Variants in CAMSAP3 observed in about 807,000 individuals in gnomAD.
CAMSAP3 encodes the protein calmodulin regulated spectrin associated protein family member 3.
A neutral mutation model predicts 112.5 loss-of-function variants in CAMSAP3; 34 were observed. The observed-to-expected ratio is 0.30, with a 90% CI of 0.23 to 0.40. The LOEUF (loss-of-function observed/expected upper bound fraction) is 0.40, where lower values mean the gene tolerates loss of function less well. Among genes scored for constraint, CAMSAP3 ranks in the 10% least tolerant of loss-of-function variants. The probability of loss-of-function intolerance (pLI) is 1.00; values close to 1 mark genes in which losing one functional copy is unlikely to be tolerated. For missense variants in CAMSAP3, 1,602 were observed against 1,770.3 expected (o/e 0.90, Z 1.71); for synonymous variants, 868 against 799.8 (o/e 1.09, Z -1.44).
intron 1 of CAMSAP3, among the ~76,000 whole-genome samples, chr19:7,602,604 C>T (rs1348797939): frequency 6.6e-6 from 1 of 151,920 alleles, no homozygotes; most frequent in Admixed American, 6.6e-5. Context: ...TTTCTCACTG[C>T]CTTGGGGGCA....
At position 7,615,769 on chromosome 19, in the gene CAMSAP3, A is replaced by C; in HGVS notation, c.3112+50A>C. On this transcript the variant is annotated intron_variant, in intron 13 of 16. Transcript: ENST00000160298. This position sits in a 1 kb window ranked among gnomAD's most constrained non-coding sequence, Gnocchi z 6.5. The stretch of plus-strand genomic sequence containing the variant: ...CTGCCCAGTGCCCTTTCCGGGGCTC[A>C]CTGGGTGAGGCCCCCATGGGTAAGG... 9.5e-7 allele frequency: 1 copy of C among 1,049,662 alleles called. No homozygotes were observed. The highest frequency in any genetic ancestry group is 1.2e-6 in the Non-Finnish European group (1 of 862,948). 65.0% of individuals were successfully genotyped at this position (1,049,662 alleles called of 1,614,324 possible). A position where few individuals can be genotyped will look rare whatever the true frequency, so the allele number is the denominator to read the frequency against.
At chr19:7,605,138 G>A (rs1226820187) in intron 1 of CAMSAP3, 88 bp from the exon 2 acceptor site, 2 of 920,340 alleles carry the variant, frequency 2.2e-6, no homozygotes, top group South Asian at 1.9e-5. Context: ...CTCTTAATCC[G>A]GGCCATGTGG....
chr19:7,610,015 G>A lies in CAMSAP3; in HGVS notation c.761-461G>A, dbSNP rs980253072. 2.0e-5 allele frequency among the ~76,000 whole-genome samples: 3 copies of A among 152,012 alleles called. No individual in the cohort carries two copies. The highest frequency in any genetic ancestry group is 7.3e-5 in the African/African-American group (3 of 41,360). ...GGTTAAGGACCCCCGGCCTAAGGAC[G>A]GTCTATCATATAATTCACCTCGGCC... On this transcript the variant is annotated intron_variant, in intron 5 of 16. Coordinates refer to ENST00000160298, the MANE Select transcript of CAMSAP3 (RefSeq NM_020902.2). This position sits in a 1 kb window ranked among gnomAD's most constrained non-coding sequence, Gnocchi z 4.9.
Position 7,617,578 on chromosome 19 carries a change from A to G in CAMSAP3, c.3361A>G (p.Asn1121Asp). ...GTACAAAGAACCCAGCGCCAAGTCC[A>G]ACAAGTTCATCATCCACAATGCCCT... Reference protein sequence around the residue: ...RLYKEPSAKSNKFIIHNALSH... With the variant: ...RLYKEPSAKSDKFIIHNALSH... The change falls in exon 16 of 17, where the codon AAC becomes GAC. Residue 1121 changes from asparagine (N) to aspartate (D), a missense_variant. Coordinates refer to ENST00000160298, the MANE Select transcript of CAMSAP3 (RefSeq NM_020902.2). This position sits in a 1 kb window ranked among gnomAD's most constrained non-coding sequence, Gnocchi z 7.5. 1 of 1,614,134 alleles carries G rather than the reference A, an allele frequency of 6.2e-7. No individual in the cohort carries two copies. Among genetic ancestry groups the G allele is most frequent in the Non-Finnish European group, 8.5e-7 (1 of 1,180,012 alleles).
At position 7,611,155 on chromosome 19, in the gene CAMSAP3, C is replaced by A. The variant is rs2030465186; in HGVS notation, c.1110C>A (p.Leu370=). The change falls in exon 9 of 17, where the codon CTC becomes CTA. Residue 370 remains leucine (L), a synonymous_variant. Transcript: ENST00000160298. This position sits in a 1 kb window ranked among gnomAD's most constrained non-coding sequence, Gnocchi z 6.9. ...LLSSGGPQSP[L]RGSTGSLKSS... is the part of the protein sequence containing the mutation. Reference sequence around the variant, plus strand: ...CATCTGGTGGCCCCCAGTCCCCACTCCGAGGATCCACAGGTGAGGAGGGGG... The same window carrying A: ...CATCTGGTGGCCCCCAGTCCCCACTACGAGGATCCACAGGTGAGGAGGGGG... 1 of 1,613,590 alleles carries A rather than the reference C, an allele frequency of 6.2e-7. No homozygotes were observed. The highest frequency in any genetic ancestry group is 8.5e-7 in the Non-Finnish European group (1 of 1,179,938).
chr19:7,615,660 C>T lies in CAMSAP3; in HGVS notation c.3053C>T (p.Pro1018Leu). The T allele has an allele frequency of 7.0e-7, 1 of 1,428,324 alleles. No homozygotes were observed. The highest frequency in any genetic ancestry group is 9.1e-7 in the Non-Finnish European group (1 of 1,096,214). 88.5% of individuals were successfully genotyped at this position (1,428,324 alleles called of 1,614,324 possible). The change falls in exon 13 of 17, where the codon CCT becomes CTT. Residue 1018 changes from proline (P) to leucine (L), a missense_variant. Physicochemically the swap from Pro to Leu is moderately conservative, Grantham distance 98 (BLOSUM62 -3). This residue lies in a region of CAMSAP3 where 1,100 missense variants were observed against 1,135.7 expected (regional missense o/e 0.97). Coordinates refer to ENST00000160298, the MANE Select transcript of CAMSAP3 (RefSeq NM_020902.2). The surrounding 1 kb of genome is among the most constrained non-coding windows in gnomAD (Gnocchi z 6.5). ...CGGGGCGGGCGGAGGGCCACCCGGC[C>T]TCGCTCGGGTTGCTGTGACGACTCA... is the stretch of plus-strand genomic sequence containing the variant. ...PGRGGRRATR[P>L]RSGCCDDSAL...
chr19:7,603,270 A>G (rs887077746), intron 1 of CAMSAP3, among the ~76,000 whole-genome samples: 1 of 146,926 alleles, frequency 6.8e-6, no homozygotes, highest in Admixed American at 6.9e-5. Context: ...GCTGGAGTGC[A>G]GTGGCGCAAT....
rs1178553188 is a variant in CAMSAP3, at chr19:7,607,057, C to A, written c.621+486C>A. On this transcript the variant is annotated intron_variant, in intron 4 of 16. Transcript: ENST00000160298. The surrounding 1 kb of genome is among the most constrained non-coding windows in gnomAD (Gnocchi z 4.9). ...CGAACTGATGGGTGGGGACGAACTT[C>A]CCCTCCCGTTATTCAGAAGGGCAAG... Among the ~76,000 whole-genome samples, 3 of 152,042 alleles carry A rather than the reference C, an allele frequency of 2.0e-5. No homozygotes were observed. The highest frequency in any genetic ancestry group is 4.4e-5 in the Non-Finnish European group (3 of 68,004).
Position 7,608,175 on chromosome 19 carries a change from C to T in CAMSAP3, c.671C>T (p.Pro224Leu), listed in dbSNP as rs550960795. 3.1e-6 allele frequency: 5 copies of T among 1,612,556 alleles called. No homozygotes were observed. Among genetic ancestry groups the T allele is most frequent in the South Asian group, 1.1e-5 (1 of 91,078 alleles). ...GTGGCGCGACGTGCCCCCTGCTTCC[C>T]GACGGTGACCAGCCTCCAGGACCTG... Reference protein sequence around the residue: ...RVVARRAPCFPTVTSLQDLAS... With the variant: ...RVVARRAPCFLTVTSLQDLAS... Residue 224 changes from proline to leucine, a missense_variant, in exon 5 of 17, where the codon CCG becomes CTG. Physicochemically the swap from Pro to Leu is moderately conservative, Grantham distance 98. Around this residue, in one of 6 missense-constraint regions of CAMSAP3, gnomAD observed 112 missense variants for 94.2 expected, o/e 1.19. Transcript: ENST00000160298.
At chr19:7,609,192 C>A (rs2030356409) in intron 5 of CAMSAP3, among the ~76,000 whole-genome samples, 1 of 151,640 alleles carries the variant, frequency 6.6e-6, no homozygotes, top group Admixed American at 6.6e-5. Context: ...GTGGCGGGCG[C>A]CTGTAATCCC....
intron 1 of CAMSAP3, among the ~76,000 whole-genome samples, chr19:7,604,124 C>T (rs1268176632): frequency 6.6e-6 from 1 of 152,128 alleles, no homozygotes; most frequent in East Asian, 1.9e-4. Context: ...GACAGAGAGA[C>T]TCTTATCTCC....
chr19:7,598,381 G>A (rs1314942015), intron 1 of CAMSAP3, among the ~76,000 whole-genome samples: 1 of 152,134 alleles, frequency 6.6e-6, no homozygotes, highest in African/African-American at 2.4e-5. Flanking sequence ...ACTGAGGAAG[G>A]CCCTTCAGGC....
In CAMSAP3 at chr19:7,610,993, G is replaced by A. The variant is rs950335267; in HGVS notation, c.1049+62G>A. 1.1e-5 allele frequency: 17 copies of A among 1,582,652 alleles called. No homozygotes were observed. The Admixed American group carries it at 1.9e-4, about 17-fold the overall frequency. On this transcript the variant is annotated intron_variant, in intron 8 of 16. Coordinates refer to ENST00000160298, the MANE Select transcript of CAMSAP3 (RefSeq NM_020902.2). The surrounding 1 kb of genome is among the most constrained non-coding windows in gnomAD (Gnocchi z 4.9). ...GGGTGTGGGGCTCCATGTCTGCCTT[G>A]CTGAGCACTGGGACGCAGCTGGGTG...
intron 1 of CAMSAP3, among the ~76,000 whole-genome samples, chr19:7,599,786 C>T: frequency 1.1e-5 from 1 of 95,162 alleles, no homozygotes; most frequent in African/African-American, 4.5e-5. Flanking sequence ...CATCCACCCG[C>T]CCATCCATCC....
At chr19:7,614,779 C>T in intron 11 of CAMSAP3, 1 of 235,734 alleles carries the variant, frequency 4.2e-6, no homozygotes, top group Non-Finnish European at 8.4e-6. Flanking sequence ...CTGCCTGGAA[C>T]GCTCTGCTCT....
chr19:7,616,735 A>T, intron 14 of CAMSAP3, 113 bp downstream of exon 14: 1 of 746,606 alleles, frequency 1.3e-6, no homozygotes, highest in Non-Finnish European at 2.3e-6. Flanking sequence ...GTTTATGGAT[A>T]CGCCATGAAG....
rs576091919 is a variant in CAMSAP3, at chr19:7,617,177, G to C, written c.3213-149G>C. The C allele has an allele frequency of 3.1e-6, 2 of 655,656 alleles. No individual in the cohort carries two copies. Among genetic ancestry groups the C allele is most frequent in the African/African-American group, 1.8e-5 (1 of 55,164 alleles). 40.6% of individuals were successfully genotyped at this position (655,656 alleles called of 1,614,324 possible). The stretch of plus-strand genomic sequence containing the variant: ...AGTGATCTGCCCGCTTTGGCCTCCC[G>C]AAGTGCTGGGATTACAGGCATGAGC... On this transcript the variant is annotated intron_variant, in intron 14 of 16. Transcript: ENST00000160298. The surrounding 1 kb of genome is among the most constrained non-coding windows in gnomAD (Gnocchi z 7.5).
chr19:7,601,473 C>G (rs537358266), intron 1 of CAMSAP3, among the ~76,000 whole-genome samples: 1 of 152,240 alleles, frequency 6.6e-6, no homozygotes, highest in Non-Finnish European at 1.5e-5. Context: ...CATGCGCCAC[C>G]ACGCCCAGCT....
rs1328480346 is a variant in CAMSAP3, at chr19:7,615,162, G to T, written c.2671-21G>T. ...ATGTTGGGGGAGGGGGTGGCTGGCT[G>T]GACTCGGCGTCTGTCCCCAGGATGA... On this transcript the variant is annotated intron_variant, in intron 11 of 16. Coordinates refer to ENST00000160298, the MANE Select transcript of CAMSAP3 (RefSeq NM_020902.2). This position sits in a 1 kb window ranked among gnomAD's most constrained non-coding sequence, Gnocchi z 6.5. 2 of 1,553,618 alleles carry T rather than the reference G, an allele frequency of 1.3e-6. No homozygotes were observed. The highest frequency in any genetic ancestry group is 4.8e-5 in the East Asian group (2 of 41,238).
Sources: allele counts gnomAD v4.1 joint callset (sites outside exome capture counted in the v4.1 genomes callset), GRCh38; gene constraint gnomAD v4.1.1; regional missense constraint gnomAD v4.1.1; non-coding constraint Gnocchi (gnomAD v3.1); transcripts MANE v1.5; gene names NCBI Gene and HGNC (gene_info 2026-07-23, HGNC 2026-07-21).